Variants in CDK12 observed in about 807,000 individuals in gnomAD.
CDK12 encodes cyclin dependent kinase 12.
A neutral mutation model predicts 133.8 loss-of-function variants in CDK12; 17 were observed. That is an observed-to-expected ratio of 0.13 (90% CI 0.09 to 0.19). The LOEUF (loss-of-function observed/expected upper bound fraction) is 0.19, where lower values mean the gene tolerates loss of function less well. Ranked by LOEUF, CDK12 falls within the 10% of genes least tolerant of loss-of-function variation. CDK12 has a pLI of 1.00. For missense variants in CDK12, 1,508 were observed against 1,818.7 expected, an observed-to-expected ratio of 0.83 and a Z score of 3.11; for synonymous variants, 694 against 683.6, an observed-to-expected ratio of 1.02 and a Z score of -0.24.
chr17:39,464,371 C>T (rs1022552356), intron 1 of CDK12, among the ~76,000 whole-genome samples: 3 of 151,316 alleles, frequency 2.0e-5, no homozygotes. Flanking sequence ...CAGGTTCATG[C>T]CACCATGCCT....
chr17:39,495,047 A>G (rs1188475985), intron 5 of CDK12, among the ~76,000 whole-genome samples: 19 of 151,984 alleles, frequency 1.3e-4, no homozygotes, highest in Admixed American at 1.2e-3. Context: ...CTGGGATTAC[A>G]GGCATGAGCC....
chr17:39,480,543 G>A (rs1332717676), intron 2 of CDK12, among the ~76,000 whole-genome samples: 4 of 151,992 alleles, frequency 2.6e-5, no homozygotes, highest in African/African-American at 7.2e-5. Context: ...CTGGGTTCTA[G>A]CGATCCACCT....
At chr17:39,565,254 T>C (rs572755910), downstream of CDK12, among the ~76,000 whole-genome samples, 1 of 152,044 alleles carries the variant, frequency 6.6e-6, no homozygotes, top group African/African-American at 2.4e-5. Context: ...GCTGGAACTA[T>C]AGGCGCCCGC....
intron 2 of CDK12, among the ~76,000 whole-genome samples, chr17:39,489,170 C>T (rs1177932480): frequency 6.6e-6 from 1 of 151,056 alleles, no homozygotes; most frequent in Non-Finnish European, 1.5e-5. Flanking sequence ...AACCTCCACC[C>T]CTGGGGTTCA....
chr17:39,544,303 C>CCT (rs1475295797), upstream of CDK12: 1 of 489,802 alleles, frequency 2.0e-6, no homozygotes, highest in South Asian at 1.5e-5. Context: ...CCATCAGTCA[C>CCT]CTCTCACCCA....
downstream of CDK12, among the ~76,000 whole-genome samples, chr17:39,535,647 C>T (rs1295406085): frequency 6.6e-6 from 1 of 152,132 alleles, no homozygotes; most frequent in Non-Finnish European, 1.5e-5. Flanking sequence ...CTGTCATACC[C>T]AAGGCCATTT....
chr17:39,526,966 G>A (rs1331242136), intron 13 of CDK12, among the ~76,000 whole-genome samples: 1 of 152,094 alleles, frequency 6.6e-6, no homozygotes, highest in African/African-American at 2.4e-5. Flanking sequence ...AGGAAAATGG[G>A]GATAAGTTAT....
intron 13 of CDK12, chr17:39,529,878 A>C (rs1336619544): frequency 1.3e-5 from 2 of 152,056 alleles, no homozygotes; most frequent in East Asian, 3.9e-4. Flanking sequence ...TTTTCATAGC[A>C]TGGAAAAAAA....
intron 1 of CDK12, 24 bp from the exon 2 acceptor site, chr17:39,470,855 A>T (rs377487664): frequency 1.9e-6 from 3 of 1,575,068 alleles, no homozygotes; most frequent in Non-Finnish European, 2.6e-6. Flanking sequence ...CCATTCATTT[A>T]AAACTGGCTT....
At chr17:39,564,011 C>T (rs1464434778) in intron 3 of CDK12, among the ~76,000 whole-genome samples, 3 of 152,224 alleles carry the variant, frequency 2.0e-5, no homozygotes, top group Admixed American at 2.0e-4. Context: ...ACAAAAAACC[C>T]TGTCCTCTCA....
chr17:39,556,937 T>C (rs2056185780), intron 3 of CDK12: 1 of 152,190 alleles, frequency 6.6e-6, no homozygotes, highest in African/African-American at 2.4e-5. Context: ...AGCCTTGAGA[T>C]CCTGGAAGAG....
intron 1 of CDK12, among the ~76,000 whole-genome samples, chr17:39,470,227 T>A (rs1383170898): frequency 1.3e-5 from 2 of 151,860 alleles, no homozygotes; most frequent in Non-Finnish European, 2.9e-5. Flanking sequence ...TTCATGCCAT[T>A]CTCCTGCCTC....
chr17:39,468,450 C>T (rs1317061113), intron 1 of CDK12, among the ~76,000 whole-genome samples: 1 of 151,882 alleles, frequency 6.6e-6, no homozygotes, highest in East Asian at 1.9e-4. Context: ...TTGTTTTGTC[C>T]AATTATGCTT....
In CDK12 at chr17:39,524,730, G is replaced by A. The variant is rs2054390264; in HGVS notation, c.3152G>A (p.Arg1051Gln). The A allele has an allele frequency of 6.2e-7, 1 of 1,614,158 alleles. No individual in the cohort carries two copies. Among genetic ancestry groups the A allele is most frequent in the East Asian group, 2.2e-5 (1 of 44,890 alleles). Residue 1051 changes from arginine (R) to glutamine (Q), a missense_variant, in exon 12 of 14, where the codon CGA (arginine) becomes CAA (glutamine). Arg to Gln is a conservative substitution (Grantham distance 43). Coordinates refer to ENST00000447079, the MANE Select transcript of CDK12 (RefSeq NM_016507.4). ...ELWSKKRRRQ[R>Q]QSGVVVEEPP... ...TGGAGTAAGAAACGGCGACGTCAGC[G>A]ACAAAGTGGTGTTGTAGTCGAAGAG...
intron 6 of CDK12, among the ~76,000 whole-genome samples, chr17:39,503,952 C>T (rs1389741978): frequency 2.6e-5 from 4 of 152,062 alleles, no homozygotes; most frequent in South Asian, 2.1e-4. Context: ...CAGTTTATGC[C>T]GATAAACTGG....
chr17:39,464,295 A>G lies in CDK12; in HGVS notation c.1046+1178A>G, dbSNP rs541477642. 2.0e-5 allele frequency among the ~76,000 whole-genome samples: 3 copies of G among 151,644 alleles called. No individual in the cohort carries two copies. In the East Asian group the frequency reaches 5.8e-4, roughly 29 times the overall value. On this transcript the variant is annotated intron_variant, in intron 1 of 13. Transcript: ENST00000447079. ...GAGTGCAGTGGCATCATCTTGGCTC[A>G]CTGCAGCCTTGACTTCCCAGGCTCA...
intron 3 of CDK12, among the ~76,000 whole-genome samples, chr17:39,491,448 G>T (rs886450360): frequency 6.6e-6 from 1 of 152,040 alleles, no homozygotes; most frequent in Non-Finnish European, 1.5e-5. Flanking sequence ...TGTTGGCCAG[G>T]CTGGTCTCGA....
At chr17:39,495,401 T>G (rs1331936159) in intron 5 of CDK12, among the ~76,000 whole-genome samples, 5 of 149,072 alleles carry the variant, frequency 3.4e-5, no homozygotes, top group Admixed American at 2.0e-4. Context: ...TTTTTTTTTT[T>G]TTTTTTTTTT....
At chr17:39,501,113 T>G in intron 5 of CDK12, 137 bp from the exon 6 acceptor site, 1 of 558,708 alleles carries the variant, frequency 1.8e-6, no homozygotes, top group Non-Finnish European at 3.1e-6. Context: ...TTCGTTTCAG[T>G]TTCTTCATCT....
Sources: gnomAD v4.1 joint callset for allele counts (sites outside exome capture counted in the v4.1 genomes callset) on GRCh38, gnomAD v4.1.1 for gene constraint, MANE v1.5 for transcripts, NCBI Gene and HGNC (gene_info 2026-07-23, HGNC 2026-07-21) for gene names.